The following GHR variants were observed in gnomAD, a reference collection of about 807,000 sequenced individuals.
GHR encodes growth hormone receptor, also known as GH receptor.
A neutral mutation model predicts 67.1 loss-of-function variants in GHR; 35 were observed. The ratio of observed to expected loss-of-function variants is 0.52; its 90% CI spans 0.40 to 0.69. The LOEUF (loss-of-function observed/expected upper bound fraction) is 0.69, where lower values mean the gene tolerates loss of function less well. GHR is among the 30% of genes least tolerant of loss of function. The pLI is 0.00. For synonymous variants in GHR, 272 were observed against 269.1 expected, an observed-to-expected ratio of 1.01 and a Z score of -0.10; for missense variants, 792 against 764.6, an observed-to-expected ratio of 1.04 and a Z score of -0.42.
intron 1 of GHR, among the ~76,000 whole-genome samples, chr5:42,532,174 C>G (rs867305214): frequency 6.6e-6 from 1 of 152,036 alleles, no homozygotes; most frequent in Non-Finnish European, 1.5e-5. Flanking sequence ...TCTTCCTGAT[C>G]ATATAACAAT....
chr5:42,511,523 G>A (rs1236232987), intron 1 of GHR, among the ~76,000 whole-genome samples: 1 of 152,148 alleles, frequency 6.6e-6, no homozygotes, highest in Non-Finnish European at 1.5e-5. Context: ...TTTACTAAAT[G>A]TTGAATGAAT....
At chr5:42,593,064 A>C (rs1206838629) in intron 2 of GHR, among the ~76,000 whole-genome samples, 2 of 152,140 alleles carry the variant, frequency 1.3e-5, no homozygotes, top group East Asian at 3.8e-4. Flanking sequence ...CTGTTCAGGG[A>C]CATCATTCCT....
chr5:42,685,051 G>C (rs35536377), intron 3 of GHR, among the ~76,000 whole-genome samples: 1 of 151,940 alleles, frequency 6.6e-6, no homozygotes, highest in Non-Finnish European at 1.5e-5. Flanking sequence ...CCACCAACCC[G>C]TCATCTATAT....
At chr5:42,704,286 T>G (rs943728097) in intron 6 of GHR, among the ~76,000 whole-genome samples, 2 of 151,810 alleles carry the variant, frequency 1.3e-5, no homozygotes, top group African/African-American at 4.8e-5. Flanking sequence ...TTTTGACAAG[T>G]GCTTCTTCTG....
intron 2 of GHR, among the ~76,000 whole-genome samples, chr5:42,576,744 T>A (rs1750768267): frequency 6.6e-6 from 1 of 152,230 alleles, no homozygotes; most frequent in Admixed American, 6.5e-5. Context: ...GTTATAGTTG[T>A]AAGAATCAGT....
intron 1 of GHR, among the ~76,000 whole-genome samples, chr5:42,477,734 GT>G (rs1354385225): frequency 1.3e-5 from 2 of 152,020 alleles, no homozygotes; most frequent in Non-Finnish European, 2.9e-5. Flanking sequence ...GGGGTTGTTT[GT>G]TTTTTTCTTG....
chr5:42,588,015 A>C, intron 2 of GHR, among the ~76,000 whole-genome samples: 1 of 152,200 alleles, frequency 6.6e-6, no homozygotes, highest in Non-Finnish European at 1.5e-5. Flanking sequence ...TTTGCCAGAG[A>C]GGGCTGAGTC....
chr5:42,595,480 C>T (rs1752018571), intron 2 of GHR, among the ~76,000 whole-genome samples: 1 of 152,196 alleles, frequency 6.6e-6, no homozygotes, highest in Non-Finnish European at 1.5e-5. Flanking sequence ...GGTCTGATGT[C>T]ATTATTTCTA....
intron 1 of GHR, among the ~76,000 whole-genome samples, chr5:42,464,019 AAAAGAAAT>A: frequency 6.7e-6 from 1 of 148,834 alleles, no homozygotes; most frequent in African/African-American, 2.5e-5. Context: ...AAAAAAAAGA[AAAAGAAAT>A]AATTTAGTGT....
At chr5:42,604,428 T>A (rs1240762172) in intron 2 of GHR, among the ~76,000 whole-genome samples, 1 of 152,230 alleles carries the variant, frequency 6.6e-6, no homozygotes, top group South Asian at 2.1e-4. Flanking sequence ...AGGACCTTTT[T>A]TGAAATGAAA....
At position 42,721,842 on chromosome 5, in the gene GHR, C is replaced by G. The variant is rs1226519260; in HGVS notation, c.*2418C>G. The G allele has an allele frequency of 6.6e-6, 1 of 152,312 alleles. No individual in the cohort carries two copies. Among genetic ancestry groups the G allele is most frequent in the East Asian group, 1.9e-4 (1 of 5,194 alleles). The allele number at this position is 152,312 out of a possible 1,614,324, so 9.4% of individuals were successfully genotyped here. ...TTCTTGGATTCCTGATAGTGTGCTT[C>G]TGTTATCAAACACCAACATAAAAAT... On this transcript the variant is annotated 3_prime_UTR_variant, in exon 10 of 10. Transcript: ENST00000230882.
At chr5:42,694,331 G>C (rs1186057359) in intron 4 of GHR, among the ~76,000 whole-genome samples, 1 of 152,050 alleles carries the variant, frequency 6.6e-6, no homozygotes, top group Non-Finnish European at 1.5e-5. Flanking sequence ...AATATAAGAG[G>C]CCCAAAAAAC....
At chr5:42,595,996 A>AG (rs1752047397) in intron 2 of GHR, among the ~76,000 whole-genome samples, 1 of 152,238 alleles carries the variant, frequency 6.6e-6, no homozygotes, top group Non-Finnish European at 1.5e-5. Flanking sequence ...TTCAGTTTCT[A>AG]AAATAAATTA....
intron 3 of GHR, among the ~76,000 whole-genome samples, chr5:42,632,808 A>G (rs1753994967): frequency 6.6e-6 from 1 of 152,264 alleles, no homozygotes; most frequent in African/African-American, 2.4e-5. Context: ...TTTACAGTTT[A>G]AAGAGATATC....
intron 2 of GHR, among the ~76,000 whole-genome samples, chr5:42,571,782 T>C (rs1750334285): frequency 6.6e-6 from 1 of 152,218 alleles, no homozygotes; most frequent in Admixed American, 6.5e-5. Context: ...GGTTATATAA[T>C]AGAATGTTTC....
At chr5:42,512,012 G>A (rs905576554) in intron 1 of GHR, among the ~76,000 whole-genome samples, 12 of 152,022 alleles carry the variant, frequency 7.9e-5, no homozygotes, top group Non-Finnish European at 1.0e-4. Flanking sequence ...TTGAGCTGCC[G>A]GTGGGTTGCT....
intron 1 of GHR, chr5:42,514,025 G>A: frequency 1.3e-6 from 1 of 752,628 alleles, no homozygotes. Context: ...ATTACTTACT[G>A]GAAAAGAAAA....
At chr5:42,640,519 G>A (rs565933957) in intron 3 of GHR, among the ~76,000 whole-genome samples, 10 of 152,030 alleles carry the variant, frequency 6.6e-5, no homozygotes, top group African/African-American at 2.4e-4. Flanking sequence ...ACTTGCCTGG[G>A]ACACTGACCC....
intron 4 of GHR, among the ~76,000 whole-genome samples, chr5:42,693,729 C>G (rs925611635): frequency 6.6e-6 from 1 of 152,210 alleles, no homozygotes; most frequent in African/African-American, 2.4e-5. Context: ...ACCCATCCCA[C>G]AGAGGGATGG....
Sources: gnomAD v4.1 joint callset for allele counts (sites outside exome capture counted in the v4.1 genomes callset) on GRCh38, gnomAD v4.1.1 for gene constraint, MANE v1.5 for transcripts, NCBI Gene and HGNC (gene_info 2026-07-23, HGNC 2026-07-21) for gene names.